Variants in DMD observed in about 807,000 individuals in gnomAD.
The protein encoded by DMD is dystrophin.
DMD carries 63 observed loss-of-function variants against 330.1 expected under a neutral mutation model. The observed-to-expected ratio is 0.19, with a 90% CI of 0.16 to 0.24. The LOEUF (loss-of-function observed/expected upper bound fraction) is 0.24. Among genes scored for constraint, DMD ranks in the 10% least tolerant of loss-of-function variants. DMD has a pLI of 1.00. For synonymous variants in DMD, 1,223 were observed against 959.8 expected (o/e 1.27, Z -5.07); for missense variants, 3,344 against 2,684.1 (o/e 1.25, Z -5.43).
At chrX:32,010,260 C>T (rs2095696344) in intron 44 of DMD, among the ~76,000 whole-genome samples, 1 of 111,824 alleles carries the variant, frequency 8.9e-6, no homozygotes, top group South Asian at 3.7e-4. Flanking sequence ...TAAATACCAT[C>T]TGGATATTTT....
chrX:32,904,082 T>C (rs148847278), intron 2 of DMD, among the ~76,000 whole-genome samples: 2,640 of 112,023 alleles, frequency 0.024, 72 homozygotes, highest in African/African-American at 0.082. Flanking sequence ...ATATAGCAAA[T>C]ATTCAACAAT....
At chrX:31,915,265 A>G (rs1439215803) in intron 47 of DMD, among the ~76,000 whole-genome samples, 1 of 111,785 alleles carries the variant, frequency 8.9e-6, no homozygotes, top group East Asian at 2.8e-4. Flanking sequence ...GAGTGCATGG[A>G]TATTTGTGGG....
chrX:32,526,615 T>C (rs185929690), intron 17 of DMD, among the ~76,000 whole-genome samples: 1 of 111,846 alleles, frequency 8.9e-6, no homozygotes, highest in African/African-American at 3.2e-5. Context: ...CCCATAAAAA[T>C]GATGTAAATT....
chrX:32,986,444 G>A (rs1448710808), intron 2 of DMD, among the ~76,000 whole-genome samples: 1 of 111,852 alleles, frequency 8.9e-6, no homozygotes, highest in Non-Finnish European at 1.9e-5. Flanking sequence ...AAAAAATTAT[G>A]TCATCATTTT....
chrX:31,659,058 A>C (rs1301074894), intron 53 of DMD, among the ~76,000 whole-genome samples: 2 of 112,088 alleles, frequency 1.8e-5, no homozygotes, highest in Non-Finnish European at 3.8e-5. Context: ...GTTAACTTTC[A>C]AGTAATAAAA....
intron 2 of DMD, among the ~76,000 whole-genome samples, chrX:32,911,747 C>T (rs1048222072): frequency 2.7e-5 from 3 of 111,020 alleles, no homozygotes; most frequent in South Asian, 3.8e-4. Context: ...TTTTTAAGTT[C>T]GTGAGAATTT....
At chrX:32,333,412 A>G (rs942379805) in intron 41 of DMD, among the ~76,000 whole-genome samples, 2 of 111,133 alleles carry the variant, frequency 1.8e-5, no homozygotes, top group African/African-American at 3.3e-5. Flanking sequence ...TTTTGAAAAT[A>G]TTATTCTACC....
At chrX:32,824,047 C>A (rs939662499) in intron 4 of DMD, among the ~76,000 whole-genome samples, 2 of 111,690 alleles carry the variant, frequency 1.8e-5, no homozygotes, top group Non-Finnish European at 3.8e-5. Flanking sequence ...CAAATTGTAA[C>A]CACAATAATG....
At position 32,966,137 on chromosome X, in the gene DMD, T is replaced by C. The variant is rs370436853; in HGVS notation, c.93+54002A>G. Among the ~76,000 whole-genome samples, 9 of 112,006 alleles carry C rather than the reference T, an allele frequency of 8.0e-5. No individual in the cohort carries two copies. In the East Asian group the frequency reaches 2.0e-3, roughly 24 times the overall value. ...AGGAGTTAAATATTAACTTCATCTTTTAGTATCTATTTAGATCTAATTTGT... is the reference window on the plus strand; with the variant it reads ...AGGAGTTAAATATTAACTTCATCTTCTAGTATCTATTTAGATCTAATTTGT... On this transcript the variant is annotated intron_variant, in intron 2 of 78. Coordinates refer to ENST00000357033, the MANE Select transcript of DMD (RefSeq NM_004006.3).
chrX:32,435,530 C>A (rs1311621711), intron 29 of DMD, among the ~76,000 whole-genome samples: 1 of 109,681 alleles, frequency 9.1e-6, no homozygotes, highest in Non-Finnish European at 1.9e-5. Context: ...TACTCAAAAT[C>A]ACATAGCCAG....
At chrX:31,467,569 G>C (rs1468252053) in intron 59 of DMD, among the ~76,000 whole-genome samples, 3 of 111,776 alleles carry the variant, frequency 2.7e-5, no homozygotes, top group African/African-American at 9.8e-5. Flanking sequence ...CGGTTTGCCA[G>C]TATTTTATTG....
intron 1 of DMD, among the ~76,000 whole-genome samples, chrX:33,082,450 A>G (rs1286595355): frequency 8.9e-6 from 1 of 112,538 alleles, no homozygotes; most frequent in Admixed American, 9.4e-5. Flanking sequence ...TCAGAAAAGA[A>G]ACTTAATAAA....
chrX:31,529,880 TGAAA>T (rs912482794), intron 55 of DMD, among the ~76,000 whole-genome samples: 2 of 102,798 alleles, frequency 1.9e-5, no homozygotes, highest in African/African-American at 3.7e-5. Context: ...AATAGCTTCT[TGAAA>T]GAAAGATTTC....
chrX:31,993,434 T>C (rs748141921), intron 44 of DMD, among the ~76,000 whole-genome samples: 41 of 111,639 alleles, frequency 3.7e-4, no homozygotes, highest in African/African-American at 1.2e-3. Flanking sequence ...TTGTTGCTTG[T>C]TGATCTCCAA....
chrX:31,697,279 C>A (rs1296603817), intron 52 of DMD, among the ~76,000 whole-genome samples: 3 of 111,659 alleles, frequency 2.7e-5, no homozygotes, highest in African/African-American at 9.7e-5. Context: ...ATCTGACATA[C>A]AAAAGTGAAA....
chrX:32,651,204 G>A lies in DMD; in HGVS notation c.961-6052C>T, dbSNP rs180722825. ...CCTGCCCAGGCTGGAGTGCAATGGT[G>A]GGATCTCGGCTCACTGCAGCCTCTC... On this transcript the variant is annotated intron_variant, in intron 9 of 78. Coordinates refer to ENST00000357033, the MANE Select transcript of DMD (RefSeq NM_004006.3). 4.4e-4 allele frequency among the ~76,000 whole-genome samples: 48 copies of A among 109,717 alleles called. 1 individual carries two copies. In the East Asian group the frequency reaches 0.012, roughly 27 times the overall value.
intron 43 of DMD, among the ~76,000 whole-genome samples, chrX:32,252,733 A>AATATATATAAATAT (rs2097273299): frequency 5.6e-5 from 2 of 35,867 alleles, no homozygotes; most frequent in Admixed American, 6.0e-4. Context: ...TAAATATATA[A>AATATATATAAATAT]ATATATATAT....
intron 2 of DMD, among the ~76,000 whole-genome samples, chrX:32,856,254 C>A (rs1012893004): frequency 9.0e-6 from 1 of 111,525 alleles, no homozygotes; most frequent in African/African-American, 3.3e-5. Context: ...GTTTGAGGTT[C>A]TTCAAAAAAA....
chrX:31,395,442 A>T (rs1308574985), intron 60 of DMD, among the ~76,000 whole-genome samples: 1 of 112,160 alleles, frequency 8.9e-6, no homozygotes, highest in Non-Finnish European at 1.9e-5. Flanking sequence ...GCTGGTGTTT[A>T]TAACTGAAGA....
Sources: gnomAD v4.1 joint callset for allele counts (sites outside exome capture counted in the v4.1 genomes callset) on GRCh38, gnomAD v4.1.1 for gene constraint, MANE v1.5 for transcripts, NCBI Gene and HGNC (gene_info 2026-07-23, HGNC 2026-07-21) for gene names.